The following USP34 variants were observed in gnomAD, a reference collection of about 807,000 sequenced individuals.
The protein encoded by USP34 is ubiquitin carboxyl-terminal hydrolase 34.
Under a neutral mutation model 460.3 loss-of-function variants are expected in USP34, and 70 were observed. The ratio of observed to expected loss-of-function variants is 0.15; its 90% CI spans 0.13 to 0.19. The LOEUF (loss-of-function observed/expected upper bound fraction) is 0.19, where lower values mean the gene tolerates loss of function less well. USP34 is among the 10% of genes least tolerant of loss of function. The pLI is 1.00. For synonymous variants in USP34, 1,647 were observed against 1,405.3 expected (o/e 1.17, Z -3.85); for missense variants, 3,985 against 4,236.2 (o/e 0.94, Z 1.65).
At chr2:61,201,402 G>A (rs1572830632) in intron 75 of USP34, among the ~76,000 whole-genome samples, 1 of 151,870 alleles carries the variant, frequency 6.6e-6, no homozygotes, top group African/African-American at 2.4e-5. Context: ...ATTTTTAGTA[G>A]AGACATTTCA....
chr2:61,406,027 C>G lies in USP34; in HGVS notation c.233G>C (p.Arg78Pro), dbSNP rs763398658. 1 of 1,613,616 alleles carries G rather than the reference C, an allele frequency of 6.2e-7. No homozygotes were observed. The highest frequency in any genetic ancestry group is 8.5e-7 in the Non-Finnish European group (1 of 1,179,932). ...AGTACAATGTTTACAAAGCTGGTCC[C>G]GGAGCACTTGAACTTGGGCAATCAC... ...NLVIAQVQVL[R>P]DQLCKHCTTI... Residue 78 changes from arginine to proline, a missense_variant, in exon 3 of 80, where the codon CGG (arginine) becomes CCG (proline). Around this residue, in one of 14 missense-constraint regions of USP34, gnomAD observed 331 missense variants for 293.7 expected, o/e 1.13. Coordinates refer to ENST00000398571, the MANE Select transcript of USP34 (RefSeq NM_014709.4).
chr2:61,390,063 T>G (rs1309849197), intron 5 of USP34, among the ~76,000 whole-genome samples: 1 of 152,132 alleles, frequency 6.6e-6, no homozygotes, highest in East Asian at 1.9e-4. Flanking sequence ...TAAAAAGCAG[T>G]CTTAGGACAC....
chr2:61,436,171 A>C (rs1178405734), intron 1 of USP34, among the ~76,000 whole-genome samples: 1 of 152,110 alleles, frequency 6.6e-6, no homozygotes, highest in Non-Finnish European at 1.5e-5. Flanking sequence ...TGTACTAAAA[A>C]TACAAAAAAA....
At chr2:61,202,926 G>A (rs569075173) in intron 75 of USP34, among the ~76,000 whole-genome samples, 1 of 152,084 alleles carries the variant, frequency 6.6e-6, no homozygotes, top group East Asian at 1.9e-4. Context: ...CTCCTTTATA[G>A]GCCAGCTGAA....
chr2:61,380,075 GCCTAGTATGAA>G (rs1692926458), intron 7 of USP34, 83 bp downstream of exon 7: 1 of 1,026,150 alleles, frequency 9.7e-7, no homozygotes, highest in African/African-American at 1.6e-5. Flanking sequence ...TTAGCACAAT[GCCTAGTATGAA>G]GTGCTCCATA....
chr2:61,277,776 C>A, intron 41 of USP34: 2 of 164,860 alleles, frequency 1.2e-5, no homozygotes, highest in Non-Finnish European at 1.3e-5. Context: ...GCCTATAATT[C>A]CCATTGTTGT....
chr2:61,253,681 C>A (rs1265035429), intron 48 of USP34, among the ~76,000 whole-genome samples: 1 of 151,720 alleles, frequency 6.6e-6, no homozygotes, highest in Non-Finnish European at 1.5e-5. Context: ...CTAGAAAAAT[C>A]CTTTGTTTGA....
rs1688070584 is a variant in USP34 at position 61,236,446 on chromosome 2, C to G, written c.6778-57G>C. ...AGCAGTTTACTTCATTACATTTTAC[C>G]AATATTTTTATTAGACAAAAAGTCT... is the stretch of plus-strand genomic sequence containing the variant. On this transcript the variant is annotated intron_variant, in intron 53 of 79. Transcript: ENST00000398571. 7.0e-6 allele frequency: 9 copies of G among 1,289,676 alleles called. No individual in the cohort carries two copies. In the East Asian group the frequency reaches 2.0e-4, roughly 28 times the overall value. 79.9% of individuals were successfully genotyped at this position (1,289,676 alleles called of 1,614,324 possible).
intron 1 of USP34, among the ~76,000 whole-genome samples, chr2:61,421,547 C>T (rs1003790635): frequency 1.3e-5 from 2 of 152,196 alleles, no homozygotes; most frequent in African/African-American, 4.8e-5. Flanking sequence ...TTTGAAGCCA[C>T]TAAACCAATT....
chr2:61,349,863 AACAAC>A (rs763322642), intron 12 of USP34, among the ~76,000 whole-genome samples: 36 of 150,326 alleles, frequency 2.4e-4, no homozygotes, highest in African/African-American at 7.8e-4. Flanking sequence ...CAACAACAAC[AACAAC>A]AAAAAAACCC....
At position 61,343,982 on chromosome 2, in the gene USP34, C is replaced by T. The variant is rs772804185; in HGVS notation, c.2333G>A (p.Ser778Asn). 3 of 1,613,834 alleles carry T rather than the reference C, an allele frequency of 1.9e-6. No homozygotes were observed. Among genetic ancestry groups the T allele is most frequent in the Middle Eastern group, 3.3e-4 (2 of 6,056 alleles). The change falls in exon 16 of 80, where the codon AGC (serine) becomes AAC (asparagine). Residue 778 changes from serine (S) to asparagine (N), a missense_variant. Coordinates refer to ENST00000398571, the MANE Select transcript of USP34 (RefSeq NM_014709.4). Reference sequence around the variant, plus strand: ...TTCTGATTTTGCACTAACCTGGGAGCTACTACAACTGACATCATCTGCACT... The same window carrying T: ...TTCTGATTTTGCACTAACCTGGGAGTTACTACAACTGACATCATCTGCACT... The part of the protein sequence containing the change: ...MLSADDVSCS[S>N]SQVSAKSEKN...
chr2:61,204,826 A>G (rs567196070), intron 72 of USP34, among the ~76,000 whole-genome samples: 2 of 152,246 alleles, frequency 1.3e-5, no homozygotes, highest in East Asian at 1.9e-4. Context: ...TTAAAACACT[A>G]TTTATTGGTA....
intron 10 of USP34, 139 bp downstream of exon 10, chr2:61,370,178 CTCGG>C: frequency 1.3e-6 from 1 of 752,110 alleles, no homozygotes; most frequent in Non-Finnish European, 2.2e-6. Flanking sequence ...AAGACATGGA[CTCGG>C]AAGCCAGATT....
chr2:61,331,190 T>C (rs551401524), intron 20 of USP34, 86 bp downstream of exon 20: 5 of 1,148,270 alleles, frequency 4.4e-6, no homozygotes, highest in South Asian at 1.6e-5. Flanking sequence ...ACTTATTATA[T>C]GAAAAAAAGT....
intron 29 of USP34, among the ~76,000 whole-genome samples, chr2:61,297,529 CA>C (rs1690064743): frequency 6.6e-6 from 1 of 152,102 alleles, no homozygotes; most frequent in Non-Finnish European, 1.5e-5. Context: ...GGCAATTAAA[CA>C]AAAATTTAAA....
chr2:61,222,817 C>G (rs1184849448), intron 64 of USP34, 154 bp from the exon 65 acceptor site: 1 of 741,986 alleles, frequency 1.3e-6, no homozygotes, highest in East Asian at 2.7e-5. Context: ...CTGCCTCAGC[C>G]TCCGAGTGGC....
At chr2:61,315,638 G>A (rs751773995) in intron 23 of USP34, among the ~76,000 whole-genome samples, 2 of 152,034 alleles carry the variant, frequency 1.3e-5, no homozygotes, top group Admixed American at 6.6e-5. Flanking sequence ...GCCTCTCAAA[G>A]AGGTGGAATT....
intron 1 of USP34, among the ~76,000 whole-genome samples, chr2:61,425,116 G>A (rs1405344338): frequency 1.3e-5 from 2 of 152,114 alleles, no homozygotes; most frequent in Non-Finnish European, 1.5e-5. Context: ...AGCTGCCACT[G>A]ATTTTTTAGA....
chr2:61,379,682 C>T (rs1408560218), intron 7 of USP34, among the ~76,000 whole-genome samples: 2 of 152,204 alleles, frequency 1.3e-5, no homozygotes, highest in African/African-American at 2.4e-5. Flanking sequence ...GAATACCAGG[C>T]CTTCTTCCAA....
Sources: gnomAD v4.1 joint callset for allele counts (sites outside exome capture counted in the v4.1 genomes callset) on GRCh38, gnomAD v4.1.1 for gene constraint, gnomAD v4.1.1 regional missense constraint, MANE v1.5 for transcripts, NCBI Gene and HGNC (gene_info 2026-07-23, HGNC 2026-07-21) for gene names.